Variants in CLMN observed in about 807,000 individuals in gnomAD.
CLMN encodes the protein calmin (calponin-like, transmembrane).
In CLMN, 57 loss-of-function variants were observed where a neutral mutation model predicts 92.7. The ratio of observed to expected loss-of-function variants is 0.61; its 90% CI spans 0.50 to 0.77. The LOEUF (loss-of-function observed/expected upper bound fraction) is 0.77. CLMN is among the 30% of genes least tolerant of loss of function. The pLI, the probability that CLMN is intolerant of heterozygous loss-of-function variation, is 0.00. For missense variants in CLMN, 1,158 were observed against 1,237.5 expected (o/e 0.94, Z 0.96); for synonymous variants, 466 against 470.6 (o/e 0.99, Z 0.13).
Position 95,203,953 on chromosome 14 carries a change from C to T in CLMN, c.1396G>A (p.Val466Ile), listed in dbSNP as rs1157795139. 2 of 1,614,106 alleles carry T rather than the reference C, an allele frequency of 1.2e-6. No individual in the cohort carries two copies. The highest frequency in any genetic ancestry group is 2.2e-5 in the East Asian group (1 of 44,896). ...SLRQDGHVLA[V>I]EVAEEKEQKQ... ...TGTTCCTTTTCCTCAGCAACCTCAA[C>T]TGCCAAGACATGTCCATCCTGCCTC... The change falls in exon 9 of 13, where the codon GTT (valine) becomes ATT (isoleucine). Residue 466 changes from valine (V) to isoleucine (I), a missense_variant. Val to Ile is a conservative substitution (Grantham distance 29). Coordinates refer to ENST00000298912, the MANE Select transcript of CLMN (RefSeq NM_024734.4).
At chr14:95,315,292 G>A (rs1232816310) in intron 1 of CLMN, among the ~76,000 whole-genome samples, 1 of 152,100 alleles carries the variant, frequency 6.6e-6, no homozygotes, top group African/African-American at 2.4e-5. Context: ...TTTTCTCGTG[G>A]TCACATGGGA....
chr14:95,293,814 G>A (rs746090862), intron 1 of CLMN, among the ~76,000 whole-genome samples: 6 of 152,120 alleles, frequency 3.9e-5, no homozygotes, highest in African/African-American at 1.4e-4. Context: ...CAAGGGTCTC[G>A]GGACCATCAC....
rs1003347930 is a variant in CLMN, at chr14:95,183,504, G to A, written c.*8060C>T. On this transcript the variant is annotated 3_prime_UTR_variant, in exon 13 of 13. Transcript: ENST00000298912. The stretch of plus-strand genomic sequence containing the variant: ...CCTGCCTCAGAGACCAACCAGTTAT[G>A]AATTCATCCAAGTAATTCGTGGTCT... The A allele has an allele frequency of 6.6e-6, 1 of 152,236 alleles. No individual in the cohort carries two copies. Among genetic ancestry groups the A allele is most frequent in the Admixed American group, 6.5e-5 (1 of 15,286 alleles). The allele number at this position is 152,236 out of a possible 1,614,324, so 9.4% of individuals were successfully genotyped here.
In CLMN at chr14:95,183,781, T is replaced by C. The variant is rs2140545261; in HGVS notation, c.*7783A>G. The stretch of plus-strand genomic sequence containing the variant: ...TGCAACTGCAGTGAAGTTTAGAGTG[T>C]TTGAAAATAACAGTCCTATGTTCCC... On this transcript the variant is annotated 3_prime_UTR_variant, in exon 13 of 13. Transcript: ENST00000298912. 6.6e-6 allele frequency: 1 copy of C among 152,372 alleles called. No individual in the cohort carries two copies. The highest frequency in any genetic ancestry group is 2.1e-4 in the South Asian group (1 of 4,832). 9.4% of individuals were successfully genotyped at this position (152,372 alleles called of 1,614,324 possible). A position where few individuals can be genotyped will look rare whatever the true frequency, so the allele number is the denominator to read the frequency against.
At chr14:95,265,730 A>G (rs1181289708) in intron 1 of CLMN, among the ~76,000 whole-genome samples, 1 of 152,226 alleles carries the variant, frequency 6.6e-6, no homozygotes, top group Non-Finnish European at 1.5e-5. Flanking sequence ...CATTCTTTTC[A>G]TGCTCAGACA....
intron 1 of CLMN, among the ~76,000 whole-genome samples, chr14:95,314,260 A>T (rs1002647222): frequency 6.6e-6 from 1 of 152,220 alleles, no homozygotes; most frequent in Admixed American, 6.5e-5. Context: ...CAAGCCAAGA[A>T]TGTACATCAT....
chr14:95,272,086 A>G lies in CLMN; in HGVS notation c.83-41953T>C, dbSNP rs536035682. On this transcript the variant is annotated intron_variant, in intron 1 of 12. Transcript: ENST00000298912. ...ATCTTGTCCCAGAGAAAATATAAAC[A>G]TTTGAATGGAGAAAAGTGTGAAAAG... Among the ~76,000 whole-genome samples, 13 of 152,326 alleles carry G rather than the reference A, an allele frequency of 8.5e-5. 1 individual carries two copies. Among genetic ancestry groups the G allele is most frequent in the Admixed American group, 7.8e-4 (12 of 15,306 alleles).
intron 2 of CLMN, among the ~76,000 whole-genome samples, chr14:95,226,773 C>T (rs1325283555): frequency 6.6e-6 from 1 of 152,154 alleles, no homozygotes; most frequent in African/African-American, 2.4e-5. Flanking sequence ...GATGGAGTCT[C>T]TCTGTGTTGC....
chr14:95,242,637 T>A (rs968381571), intron 1 of CLMN, among the ~76,000 whole-genome samples: 2 of 149,410 alleles, frequency 1.3e-5, no homozygotes, highest in Non-Finnish European at 3.0e-5. Context: ...TGATCTCGGC[T>A]CACTGCAACA....
chr14:95,265,296 T>C (rs936154917), intron 1 of CLMN, among the ~76,000 whole-genome samples: 8 of 151,222 alleles, frequency 5.3e-5, no homozygotes, highest in Non-Finnish European at 1.0e-4. Context: ...CTCCATCAAA[T>C]GTGGGTGGGC....
chr14:95,193,697 T>G, intron 12 of CLMN, 152 bp downstream of exon 12: 1 of 980,276 alleles, frequency 1.0e-6, no homozygotes, highest in South Asian at 1.7e-5. Flanking sequence ...TTACATCATT[T>G]TCTCTGGAAT....
At chr14:95,272,910 G>T (rs1204137755) in intron 1 of CLMN, among the ~76,000 whole-genome samples, 2 of 152,210 alleles carry the variant, frequency 1.3e-5, no homozygotes, top group Non-Finnish European at 2.9e-5. Context: ...TTCCAAAAAT[G>T]TAATAAAAGG....
At chr14:95,299,618 T>G (rs1053990155) in intron 1 of CLMN, among the ~76,000 whole-genome samples, 1 of 152,186 alleles carries the variant, frequency 6.6e-6, no homozygotes, top group Non-Finnish European at 1.5e-5. Context: ...CAAACAGGGC[T>G]TCTGAGGTTG....
rs373142855 is a variant in CLMN at position 95,191,781 on chromosome 14, A to G, written c.2841-49T>C. 4 of 1,547,066 alleles carry G rather than the reference A, an allele frequency of 2.6e-6. No homozygotes were observed. The highest frequency in any genetic ancestry group is 3.5e-6 in the Non-Finnish European group (4 of 1,149,790). ...CGCAGTTACCAAGCAGGTTCCCAGG[A>G]AAGTGGACCCCACCCAGTGCTACCC... On this transcript the variant is annotated intron_variant, in intron 12 of 12. Transcript: ENST00000298912. The surrounding 1 kb of genome is among the most constrained non-coding windows in gnomAD (Gnocchi z 5.3).
chr14:95,237,578 T>C (rs1386334914), intron 1 of CLMN, among the ~76,000 whole-genome samples: 1 of 152,206 alleles, frequency 6.6e-6, no homozygotes, highest in Non-Finnish European at 1.5e-5. Flanking sequence ...CCTCACACTT[T>C]GCAACTTTGC....
intron 1 of CLMN, among the ~76,000 whole-genome samples, chr14:95,306,309 C>T (rs539337679): frequency 1.8e-4 from 28 of 152,172 alleles, no homozygotes; most frequent in African/African-American, 6.5e-4. Flanking sequence ...GTCAGGAGTT[C>T]GAGACCAGCC....
At chr14:95,263,640 A>G (rs1314375938) in intron 1 of CLMN, among the ~76,000 whole-genome samples, 1 of 152,256 alleles carries the variant, frequency 6.6e-6, no homozygotes, top group South Asian at 2.1e-4. Context: ...CACAGGTAGC[A>G]TAACTGGATG....
At chr14:95,198,071 T>C (rs1896774734) in intron 9 of CLMN, among the ~76,000 whole-genome samples, 2 of 131,440 alleles carry the variant, frequency 1.5e-5, no homozygotes, top group African/African-American at 5.7e-5. Flanking sequence ...TTTTTTGAGA[T>C]GGAGTCTTGC....
intron 1 of CLMN, among the ~76,000 whole-genome samples, chr14:95,302,107 G>A (rs1268204350): frequency 6.6e-6 from 1 of 152,166 alleles, no homozygotes; most frequent in Non-Finnish European, 1.5e-5. Context: ...AGACCAGCCT[G>A]GCCAACACAG....
Sources: allele counts gnomAD v4.1 joint callset (sites outside exome capture counted in the v4.1 genomes callset), GRCh38; gene constraint gnomAD v4.1.1; non-coding constraint Gnocchi (gnomAD v3.1); transcripts MANE v1.5; gene names NCBI Gene and HGNC (gene_info 2026-07-23, HGNC 2026-07-21).